The following DOCK11 variants were observed in gnomAD, a reference collection of about 807,000 sequenced individuals.
DOCK11 encodes dedicator of cytokinesis protein 11.
A neutral mutation model predicts 169.1 loss-of-function variants in DOCK11; 70 were observed. The ratio of observed to expected loss-of-function variants is 0.41; its 90% CI spans 0.34 to 0.51. The LOEUF (loss-of-function observed/expected upper bound fraction) is 0.51, where lower values mean the gene tolerates loss of function less well. Ranked by LOEUF, DOCK11 falls within the 20% of genes least tolerant of loss-of-function variation. The pLI is 0.10. For synonymous variants in DOCK11, 529 were observed against 541.3 expected (o/e 0.98, Z 0.32); for missense variants, 1,166 against 1,538.8 (o/e 0.76, Z 4.05).
At chrX:118,573,183 T>C (rs1283156560) in intron 11 of DOCK11, among the ~76,000 whole-genome samples, 1 of 112,569 alleles carries the variant, frequency 8.9e-6, no homozygotes, top group African/African-American at 3.2e-5. Flanking sequence ...AATAAAACAG[T>C]GATGAGGGAT....
Position 118,635,762 on chromosome X carries a change from A to G in DOCK11, c.3887-584A>G, listed in dbSNP as rs141938952. Among the ~76,000 whole-genome samples the G allele has an allele frequency of 5.5e-3, 612 of 110,536 alleles. 6 individuals are homozygous for G. The highest frequency in any genetic ancestry group is 0.019 in the African/African-American group (589 of 30,351). On this transcript the variant is annotated intron_variant, in intron 35 of 52. Transcript: ENST00000276202. ...GCCACCACGCCCAGCTAATTTTTAT[A>G]TTTTTAGTAGAGAAGGGGTTTCATC...
chrX:118,547,005 ATT>A (rs202047761), intron 6 of DOCK11, among the ~76,000 whole-genome samples: 166 of 102,339 alleles, frequency 1.6e-3, no homozygotes, highest in African/African-American at 5.5e-3. Flanking sequence ...TAAATAGATA[ATT>A]TTTTTTTTTT....
intron 1 of DOCK11, among the ~76,000 whole-genome samples, chrX:118,498,026 G>A (rs987714131): frequency 1.9e-4 from 21 of 112,510 alleles, no homozygotes. Flanking sequence ...TCTTTTCTAG[G>A]AGACGCTGGC....
At chrX:118,636,773 C>A (rs1164748919) in intron 36 of DOCK11, among the ~76,000 whole-genome samples, 2 of 110,697 alleles carry the variant, frequency 1.8e-5, no homozygotes, top group Non-Finnish European at 3.8e-5. Flanking sequence ...TTTGTACTTT[C>A]ATGTAGAGCT....
intron 35 of DOCK11, among the ~76,000 whole-genome samples, chrX:118,635,283 A>T (rs572098544): frequency 9.0e-6 from 1 of 111,596 alleles, no homozygotes; most frequent in East Asian, 2.8e-4. Context: ...TGTGACACCT[A>T]TGCGATTTTT....
At chrX:118,505,873 G>C (rs151182579) in intron 1 of DOCK11, among the ~76,000 whole-genome samples, 2,637 of 112,337 alleles carry the variant, frequency 0.023, 57 homozygotes, top group African/African-American at 0.061. Flanking sequence ...AGCCTGTTCA[G>C]TGTGATTTAT....
chrX:118,561,508 T>C lies in DOCK11; in HGVS notation c.684T>C (p.Asp228=). ...KGCIYLDACI[D]VVQCPKMRRH... The stretch of plus-strand genomic sequence containing the variant: ...GCATCTACTTGGACGCCTGCATTGA[T>C]GTTGTTCAGGTAAGGCCATTGAGGT... Residue 228 remains aspartate, a synonymous_variant, in exon 7 of 53, where the codon GAT becomes GAC. Transcript: ENST00000276202. 8.4e-7 allele frequency: 1 copy of C among 1,195,461 alleles called. No individual in the cohort carries two copies. Among genetic ancestry groups the C allele is most frequent in the Non-Finnish European group, 1.1e-6 (1 of 888,511 alleles).
chrX:118,680,826 C>T lies in DOCK11; in HGVS notation c.5671+134C>T, dbSNP rs188670519. ...GTTCTGCTGTTCAGTTACAAGTTTG[C>T]ACAAGCACGTCCATGTGATAAACCA... On this transcript the variant is annotated intron_variant, in intron 49 of 52. Coordinates refer to ENST00000276202, the MANE Select transcript of DOCK11 (RefSeq NM_144658.4). The T allele has an allele frequency of 1.6e-4, 98 of 604,661 alleles. No homozygotes were observed. The African/African-American group carries it at 2.1e-3, about 13-fold the overall frequency. 49.8% of individuals were successfully genotyped at this position (604,661 alleles called of 1,213,427 possible).
chrX:118,618,563 A>G lies in DOCK11; in HGVS notation c.3306A>G (p.Glu1102=). 8.4e-7 allele frequency: 1 copy of G among 1,193,649 alleles called. No individual in the cohort carries two copies. The highest frequency in any genetic ancestry group is 1.9e-5 in the South Asian group (1 of 52,789). Residue 1102 remains glutamate, a synonymous_variant, in exon 31 of 53, where the codon GAA becomes GAG. Coordinates refer to ENST00000276202, the MANE Select transcript of DOCK11 (RefSeq NM_144658.4). ...ATTGTACTGCAGATTCAAATCTTGA[A>G]TACAGTTTATCAGATGAGTATTGCA... ...KLQRVQDSNL[E]YSLSDEYCKH... is the part of the protein sequence containing the mutation.
chrX:118,540,986 G>A (rs2011972649), intron 1 of DOCK11, among the ~76,000 whole-genome samples: 1 of 111,593 alleles, frequency 9.0e-6, no homozygotes, highest in Non-Finnish European at 1.9e-5. Context: ...CATGGCTCTG[G>A]TTGAATCTGA....
At chrX:118,590,454 G>A in intron 19 of DOCK11, 152 bp downstream of exon 19, 2 of 484,504 alleles carry the variant, frequency 4.1e-6, no homozygotes, top group Non-Finnish European at 3.4e-6. Context: ...AGTGTTACTG[G>A]CCTGCTTGGT....
chrX:118,578,016 A>G (rs2013506409), intron 12 of DOCK11, among the ~76,000 whole-genome samples: 2 of 112,294 alleles, frequency 1.8e-5, no homozygotes, highest in Admixed American at 1.9e-4. Context: ...TATGGGGACA[A>G]AATGAGTTTT....
At chrX:118,557,197 TAAAAC>T (rs756242010) in intron 6 of DOCK11, among the ~76,000 whole-genome samples, 4 of 111,051 alleles carry the variant, frequency 3.6e-5, no homozygotes, top group Non-Finnish European at 5.7e-5. Flanking sequence ...AGACGGCAAA[TAAAAC>T]AGATAGATGA....
rs1029042934 is a variant in DOCK11, at chrX:118,596,249, T to A, written c.2264-1182T>A. ...TGCTCATGTTACTTTCCTCTGCTTT[T>A]TATAAAAGAAAAGGTCTGGGTAAAG... On this transcript the variant is annotated intron_variant, in intron 20 of 52. Transcript: ENST00000276202. Among the ~76,000 whole-genome samples the A allele has an allele frequency of 3.6e-5, 4 of 112,312 alleles. No homozygotes were observed. The East Asian group carries it at 1.1e-3, about 31-fold the overall frequency.
chrX:118,522,438 T>C (rs761182756), intron 1 of DOCK11, among the ~76,000 whole-genome samples: 1 of 112,402 alleles, frequency 8.9e-6, no homozygotes, highest in African/African-American at 3.2e-5. Context: ...AACACACTTA[T>C]TATTTCACAG....
chrX:118,681,422 T>G (rs1346201061), intron 50 of DOCK11, among the ~76,000 whole-genome samples, 174 bp downstream of exon 50: 1 of 112,831 alleles, frequency 8.9e-6, no homozygotes, highest in East Asian at 2.8e-4. Context: ...TTTAAAGTTT[T>G]GTGTTATGTC....
At chrX:118,563,765 A>G (rs2012987787) in intron 7 of DOCK11, among the ~76,000 whole-genome samples, 1 of 105,141 alleles carries the variant, frequency 9.5e-6, no homozygotes, top group African/African-American at 3.5e-5. Flanking sequence ...GCTGGAGTGC[A>G]GTGGCGCAAT....
At chrX:118,677,056 T>C (rs2016628310) in intron 48 of DOCK11, among the ~76,000 whole-genome samples, 1 of 111,834 alleles carries the variant, frequency 8.9e-6, no homozygotes, top group Admixed American at 9.5e-5. Context: ...ATATGGAAAG[T>C]ATAATCACTT....
At chrX:118,542,500 CTG>C (rs753325572) in intron 1 of DOCK11, among the ~76,000 whole-genome samples, 8 of 84,700 alleles carry the variant, frequency 9.4e-5, no homozygotes, top group East Asian at 6.9e-4. Context: ...AAGAGAATGT[CTG>C]TGTGTGTGTG....
Sources: allele counts gnomAD v4.1 joint callset (sites outside exome capture counted in the v4.1 genomes callset), GRCh38; gene constraint gnomAD v4.1.1; transcripts MANE v1.5; gene names NCBI Gene and HGNC (gene_info 2026-07-23, HGNC 2026-07-21).